Variants in PCDHGB2 observed in about 807,000 individuals in gnomAD.
The protein encoded by PCDHGB2 is protocadherin gamma subfamily B, 2.
A neutral mutation model predicts 59.3 loss-of-function variants in PCDHGB2; 55 were observed. The ratio of observed to expected loss-of-function variants is 0.93; its 90% CI spans 0.75 to 1.16. The LOEUF is 1.16. Ranked by LOEUF, PCDHGB2 falls within the 50% of genes most tolerant of loss-of-function variation. The pLI, the probability that PCDHGB2 is intolerant of heterozygous loss-of-function variation, is 0.00. For missense variants in PCDHGB2, 1,228 were observed against 1,198.5 expected, an observed-to-expected ratio of 1.02 and a Z score of -0.36; for synonymous variants, 516 against 512.0, an observed-to-expected ratio of 1.01 and a Z score of -0.11.
In PCDHGB2 at chr5:141,476,686, C is replaced by T. The variant is rs138480390; in HGVS notation, c.2422-18121C>T. On this transcript the variant is annotated intron_variant, in intron 1 of 3. Coordinates refer to ENST00000522605, the MANE Select transcript of PCDHGB2 (RefSeq NM_018923.3). The surrounding 1 kb of genome is among the most constrained non-coding windows in gnomAD (Gnocchi z 7.6). ...TTCGCGTGCAGACGCGGGAGGACAGCACCAAGTACGCGGAGCTGGTGTTGG... is the reference window on the plus strand; with the variant it reads ...TTCGCGTGCAGACGCGGGAGGACAGTACCAAGTACGCGGAGCTGGTGTTGG... 6.2e-7 allele frequency: 1 copy of T among 1,614,126 alleles called. No homozygotes were observed. The highest frequency in any genetic ancestry group is 1.3e-5 in the African/African-American group (1 of 74,952).
intron 1 of PCDHGB2, chr5:141,394,655 G>A (rs780779279): frequency 2.7e-5 from 43 of 1,613,284 alleles, no homozygotes; most frequent in Admixed American, 5.0e-5. Flanking sequence ...CCAGCGAGCC[G>A]GGACTCTTCT....
At position 141,361,249 on chromosome 5, in the gene PCDHGB2, A is replaced by G; in HGVS notation, c.1114A>G (p.Arg372Gly). 6.2e-7 allele frequency: 1 copy of G among 1,614,034 alleles called. No individual in the cohort carries two copies. The highest frequency in any genetic ancestry group is 8.5e-7 in the Non-Finnish European group (1 of 1,179,878). The change falls in exon 1 of 4, where the codon AGA (arginine) becomes GGA (glycine). Residue 372 changes from arginine to glycine, a missense_variant. Physicochemically the swap from Arg to Gly is moderately radical, Grantham distance 125. This residue lies in a region of PCDHGB2 where 781 missense variants were observed against 721.6 expected (regional missense o/e 1.08). Coordinates refer to ENST00000522605, the MANE Select transcript of PCDHGB2 (RefSeq NM_018923.3). Reference sequence around the variant, plus strand: ...AACAGTGATCGCCTTGATAAAAACGAGAGACAGAGACTCTGGAGAAAATGG... The same window carrying G: ...AACAGTGATCGCCTTGATAAAAACGGGAGACAGAGACTCTGGAGAAAATGG... ...PGTVIALIKT[R>G]DRDSGENGEV...
intron 1 of PCDHGB2, chr5:141,403,362 G>C: frequency 6.2e-7 from 1 of 1,614,062 alleles, no homozygotes; most frequent in Non-Finnish European, 8.5e-7. Flanking sequence ...CAGGCCGAAA[G>C]TCTGGAAGTA....
In PCDHGB2 at chr5:141,388,268, C is replaced by A; in HGVS notation, c.2421+25712C>A. On this transcript the variant is annotated intron_variant, in intron 1 of 3. Coordinates refer to ENST00000522605, the MANE Select transcript of PCDHGB2 (RefSeq NM_018923.3). ...ATGTGGAGATCGAGGACATTAATGA[C>A]CACACGCCAAAATTCACGCAAAATT... The A allele has an allele frequency of 1.3e-6, 2 of 1,594,084 alleles. No homozygotes were observed. Among genetic ancestry groups the A allele is most frequent in the African/African-American group, 2.9e-5 (2 of 68,850 alleles).
At chr5:141,417,743 A>T in intron 1 of PCDHGB2, 2 of 1,419,054 alleles carry the variant, frequency 1.4e-6, no homozygotes, top group Non-Finnish European at 1.9e-6. Flanking sequence ...AGCACACCAG[A>T]TTGCCAGCTC....
chr5:141,374,130 T>C, intron 1 of PCDHGB2: 3 of 1,604,204 alleles, frequency 1.9e-6, no homozygotes, highest in Non-Finnish European at 1.7e-6. Flanking sequence ...CAGGTCCTGC[T>C]CCTCACGCTC....
intron 1 of PCDHGB2, among the ~76,000 whole-genome samples, chr5:141,457,755 A>G (rs1011599369): frequency 2.0e-5 from 3 of 152,226 alleles, no homozygotes; most frequent in African/African-American, 4.8e-5. Flanking sequence ...GAGCCCAGAC[A>G]TGGGTTTGTA....
intron 1 of PCDHGB2, chr5:141,399,174 T>G: frequency 1.2e-6 from 2 of 1,613,818 alleles, no homozygotes; most frequent in Non-Finnish European, 1.7e-6. Context: ...ATTCTCTACT[T>G]GAAATGATTC....
chr5:141,483,606 C>T (rs1460635551), intron 1 of PCDHGB2, among the ~76,000 whole-genome samples: 1 of 151,984 alleles, frequency 6.6e-6, no homozygotes, highest in Non-Finnish European at 1.5e-5. Flanking sequence ...CTGGTTTACA[C>T]CTCCATCATT....
chr5:141,428,108 G>C (rs771684309), intron 1 of PCDHGB2: 6 of 1,608,094 alleles, frequency 3.7e-6, no homozygotes, highest in Admixed American at 1.7e-5. Context: ...ACGTGCTGCA[G>C]GCCATCGAGC....
At chr5:141,478,708 A>G (rs1394463788) in intron 1 of PCDHGB2, 31 of 1,548,072 alleles carry the variant, frequency 2.0e-5, no homozygotes, top group Non-Finnish European at 2.5e-5. Context: ...TGCCTTTGTG[A>G]GATGGTGGCC....
At chr5:141,366,922 C>T in intron 1 of PCDHGB2, 1 of 1,046,460 alleles carries the variant, frequency 9.6e-7, no homozygotes, top group Non-Finnish European at 1.3e-6. Context: ...TTTTCAAATT[C>T]TGTTTTGGGA....
intron 1 of PCDHGB2, chr5:141,419,601 C>A (rs753678898): frequency 6.2e-7 from 1 of 1,611,818 alleles, no homozygotes; most frequent in Admixed American, 1.7e-5. Flanking sequence ...GTGCCGCGGG[C>A]CGCGCAGCCA....
intron 1 of PCDHGB2, chr5:141,393,452 GGCCTCGGATGGCGGCAAGCC>G: frequency 6.2e-7 from 1 of 1,614,030 alleles, no homozygotes; most frequent in Admixed American, 1.7e-5. Context: ...TGGTCCTCAC[GGCCTCGGATGGCGGCAAGCC>G]GCCTCGCTCT....
chr5:141,445,245 T>C (rs2098460607), intron 1 of PCDHGB2, among the ~76,000 whole-genome samples: 1 of 152,212 alleles, frequency 6.6e-6, no homozygotes, highest in Non-Finnish European at 1.5e-5. Flanking sequence ...TTACACTATA[T>C]TGTGTGAGAA....
chr5:141,492,257 A>G (rs955890030), intron 1 of PCDHGB2, among the ~76,000 whole-genome samples: 1 of 152,126 alleles, frequency 6.6e-6, no homozygotes, highest in Non-Finnish European at 1.5e-5. Flanking sequence ...GGCCCACACA[A>G]GTTGCACGGG....
At position 141,361,115 on chromosome 5, in the gene PCDHGB2, T is replaced by C; in HGVS notation, c.980T>C (p.Leu327Pro). ...LSIEAKDPGD[L>P]AAHCSIQVEI... ...ATCGAAGCAAAAGATCCTGGAGATC[T>C]AGCAGCCCACTGCAGTATCCAAGTT... The change falls in exon 1 of 4, where the codon CTA (leucine) becomes CCA (proline). Residue 327 changes from leucine (L) to proline (P), a missense_variant. Around this residue, in one of 3 missense-constraint regions of PCDHGB2, gnomAD observed 781 missense variants for 721.6 expected, o/e 1.08. Coordinates refer to ENST00000522605, the MANE Select transcript of PCDHGB2 (RefSeq NM_018923.3). 6.2e-7 allele frequency: 1 copy of C among 1,614,046 alleles called. No individual in the cohort carries two copies. The highest frequency in any genetic ancestry group is 8.5e-7 in the Non-Finnish European group (1 of 1,179,906).
intron 1 of PCDHGB2, chr5:141,394,966 GC>G (rs1294759609): frequency 1.2e-6 from 2 of 1,613,886 alleles, no homozygotes; most frequent in Non-Finnish European, 1.7e-6. Context: ...AGGCTGAGGC[GC>G]TGGCACAAGT....
intron 1 of PCDHGB2, chr5:141,374,344 G>A (rs1770398551): frequency 6.2e-7 from 1 of 1,614,034 alleles, no homozygotes; most frequent in Non-Finnish European, 8.5e-7. Context: ...TGGTCACCGC[G>A]GGTAGGATAG....
Sources: gnomAD v4.1 joint callset for allele counts (sites outside exome capture counted in the v4.1 genomes callset) on GRCh38, gnomAD v4.1.1 for gene constraint, gnomAD v4.1.1 regional missense constraint, Gnocchi (gnomAD v3.1) non-coding constraint, MANE v1.5 for transcripts, NCBI Gene and HGNC (gene_info 2026-07-23, HGNC 2026-07-21) for gene names.